ATL2: variants seen among roughly 807,000 people sequenced by gnomAD.
ATL2 encodes the protein atlastin-2.
A neutral mutation model predicts 73.9 loss-of-function variants in ATL2; 31 were observed. The ratio of observed to expected loss-of-function variants is 0.42; its 90% CI spans 0.32 to 0.57. The LOEUF is 0.57. ATL2 is among the 20% of genes least tolerant of loss of function. The pLI is 0.14. For synonymous variants in ATL2, 291 were observed against 237.5 expected (o/e 1.23, Z -2.07); for missense variants, 738 against 702.6 (o/e 1.05, Z -0.57).
intron 2 of ATL2, among the ~76,000 whole-genome samples, chr2:38,333,290 A>T (rs1278517379): frequency 6.6e-6 from 1 of 151,992 alleles, no homozygotes; most frequent in Non-Finnish European, 1.5e-5. Context: ...CGATATCTCT[A>T]AAAAAGTTAA....
At chr2:38,325,699 T>TACACACACACACACACAC (rs1221635411) in intron 2 of ATL2, among the ~76,000 whole-genome samples, 4 of 11,304 alleles carry the variant, frequency 3.5e-4, no homozygotes, top group East Asian at 7.1e-3. Context: ...CACACACCAG[T>TACACACACACACACACAC]ACACACACAC....
intron 9 of ATL2, among the ~76,000 whole-genome samples, chr2:38,303,992 G>A (rs56374612): frequency 0.33 from 49,928 of 151,958 alleles, 8,473 homozygotes; most frequent in South Asian, 0.47. Flanking sequence ...GGCCAGGCAC[G>A]GTGGCTCACA....
At chr2:38,323,593 T>A (rs948551232) in intron 2 of ATL2, among the ~76,000 whole-genome samples, 7 of 152,082 alleles carry the variant, frequency 4.6e-5, no homozygotes, top group Non-Finnish European at 8.8e-5. Context: ...TTAAGAAACC[T>A]TACCTATTCT....
At chr2:38,306,843 A>G (rs1667473238) in intron 9 of ATL2, among the ~76,000 whole-genome samples, 1 of 152,114 alleles carries the variant, frequency 6.6e-6, no homozygotes, top group Admixed American at 6.5e-5. Context: ...AAACAAAACA[A>G]GGATACCCAC....
chr2:38,360,657 C>T (rs1159756767), intron 1 of ATL2, among the ~76,000 whole-genome samples: 1 of 152,056 alleles, frequency 6.6e-6, no homozygotes, highest in East Asian at 1.9e-4. Flanking sequence ...TCATTTTCTT[C>T]TACAGAGAAG....
At chr2:38,329,343 G>A (rs962770654) in intron 2 of ATL2, among the ~76,000 whole-genome samples, 22 of 141,106 alleles carry the variant, frequency 1.6e-4, no homozygotes, top group Non-Finnish European at 3.0e-5. Flanking sequence ...CAGGAGAATC[G>A]CTGGAACTCA....
chr2:38,342,894 C>G (rs989723068), intron 2 of ATL2, among the ~76,000 whole-genome samples: 5 of 151,408 alleles, frequency 3.3e-5, no homozygotes, highest in Non-Finnish European at 5.9e-5. Context: ...ACCAGGAAGT[C>G]CTATAAAGAA....
chr2:38,376,352 A>G, intron 1 of ATL2: 2 of 873,000 alleles, frequency 2.3e-6, no homozygotes, highest in Admixed American at 3.1e-5. Flanking sequence ...AGGAGCTCAC[A>G]TTCAGCAAAA....
chr2:38,344,783 T>C (rs1004628977), intron 1 of ATL2, among the ~76,000 whole-genome samples: 1 of 152,182 alleles, frequency 6.6e-6, no homozygotes, highest in Non-Finnish European at 1.5e-5. Flanking sequence ...GGATTAATGT[T>C]TCATTAAAGA....
At chr2:38,349,684 A>C (rs1295479475) in intron 1 of ATL2, among the ~76,000 whole-genome samples, 1 of 147,316 alleles carries the variant, frequency 6.8e-6, no homozygotes, top group Non-Finnish European at 1.5e-5. Flanking sequence ...ATAAAAAATA[A>C]ATAAAATAGG....
chr2:38,302,011 C>A (rs888110548), intron 9 of ATL2, among the ~76,000 whole-genome samples: 1 of 152,166 alleles, frequency 6.6e-6, no homozygotes, highest in African/African-American at 2.4e-5. Context: ...AAGTAGAATG[C>A]GGCATAAGGC....
At chr2:38,374,788 T>C (rs1573611043) in intron 1 of ATL2, among the ~76,000 whole-genome samples, 1 of 152,238 alleles carries the variant, frequency 6.6e-6, no homozygotes, top group East Asian at 1.9e-4. Context: ...AAGCCTAATT[T>C]TGGAAAAGGT....
intron 1 of ATL2, among the ~76,000 whole-genome samples, chr2:38,366,054 G>C (rs1573588464): frequency 7.3e-6 from 1 of 136,912 alleles, no homozygotes; most frequent in South Asian, 2.3e-4. Flanking sequence ...GCCAAAAGGA[G>C]ACAAATAAAC....
At chr2:38,310,029 G>A (rs1270585986) in intron 8 of ATL2, among the ~76,000 whole-genome samples, 1 of 152,150 alleles carries the variant, frequency 6.6e-6, no homozygotes, top group Non-Finnish European at 1.5e-5. Flanking sequence ...TTAGCAGACT[G>A]CAATCAATTG....
At chr2:38,321,026 A>G (rs1325173101) in intron 2 of ATL2, among the ~76,000 whole-genome samples, 1 of 151,118 alleles carries the variant, frequency 6.6e-6, no homozygotes, top group East Asian at 1.9e-4. Flanking sequence ...GTGGCGGCAC[A>G]TGCCTGTAAT....
At chr2:38,374,604 A>C (rs1028794251) in intron 1 of ATL2, among the ~76,000 whole-genome samples, 2 of 152,218 alleles carry the variant, frequency 1.3e-5, no homozygotes, top group South Asian at 2.1e-4. Flanking sequence ...CTTTGCTGAC[A>C]ATTGTGTGTG....
chr2:38,346,412 C>T (rs1670017997), intron 1 of ATL2, among the ~76,000 whole-genome samples: 1 of 152,052 alleles, frequency 6.6e-6, no homozygotes, highest in African/African-American at 2.4e-5. Context: ...GACTAAAATC[C>T]TACACATGCT....
intron 1 of ATL2, among the ~76,000 whole-genome samples, chr2:38,351,670 A>G (rs1041569782): frequency 6.6e-6 from 1 of 151,754 alleles, no homozygotes; most frequent in Non-Finnish European, 1.5e-5. Context: ...ATTCTTTTGT[A>G]TTTTTACTAG....
At chr2:38,362,866 T>C (rs28705799) in intron 1 of ATL2, among the ~76,000 whole-genome samples, 19,078 of 152,160 alleles carry the variant, frequency 0.13, 3,526 homozygotes, top group African/African-American at 0.41. Context: ...TTGAAGACAG[T>C]AGTCACAGAT....
Sources: allele counts gnomAD v4.1 joint callset (sites outside exome capture counted in the v4.1 genomes callset), GRCh38; gene constraint gnomAD v4.1.1; transcripts MANE v1.5; gene names NCBI Gene and HGNC (gene_info 2026-07-23, HGNC 2026-07-21).